The following HEATR4 variants were observed in gnomAD, a reference collection of about 807,000 sequenced individuals.
The protein encoded by HEATR4 is HEAT repeat-containing protein 4.
HEATR4 carries 95 observed loss-of-function variants against 108.8 expected under a neutral mutation model. The ratio of observed to expected loss-of-function variants is 0.87; its 90% CI spans 0.74 to 1.04. The LOEUF is 1.04. Ranked by LOEUF, HEATR4 falls within the 50% of genes least tolerant of loss-of-function variation. HEATR4 has a pLI of 0.00. For missense variants in HEATR4, 1,152 were observed against 1,253.8 expected, an observed-to-expected ratio of 0.92 and a Z score of 1.23; for synonymous variants, 443 against 459.4, an observed-to-expected ratio of 0.96 and a Z score of 0.46.
At chr14:73,604,310 G>A in the HEATR4 span, among the ~76,000 whole-genome samples, 37 of 142,550 alleles carry the variant, frequency 2.6e-4, no homozygotes, top group East Asian at 7.3e-3. Flanking sequence ...GACTACAGGC[G>A]CCTGCCACCA....
chr14:73,585,219 C>CCATAG, the HEATR4 span, among the ~76,000 whole-genome samples: 1 of 152,134 alleles, frequency 6.6e-6, no homozygotes. Context: ...CGCTCATCTG[C>CCATAG]CATAGCCCCT....
Position 73,492,434 on chromosome 14 carries a change from C to G in HEATR4, c.2844+632G>C. 6.2e-7 allele frequency: 1 copy of G among 1,613,790 alleles called. No individual in the cohort carries two copies. ...CCAGCATTCAGATTCTAAGGATCCG[C>G]GAAGAACCGCTTTCATGGAGAAGGT... is the stretch of plus-strand genomic sequence containing the variant. On this transcript the variant is annotated intron_variant, in intron 17 of 17. Transcript: ENST00000553558. The surrounding 1 kb of genome is among the most constrained non-coding windows in gnomAD (Gnocchi z 4.9).
chr14:73,576,259 A>T, the HEATR4 span, among the ~76,000 whole-genome samples: 1 of 151,998 alleles, frequency 6.6e-6, no homozygotes, highest in Admixed American at 6.6e-5. Context: ...TCCTCCTTTA[A>T]GAATGGAAGT....
At chr14:73,572,795 G>A in the HEATR4 span, among the ~76,000 whole-genome samples, 10 of 149,234 alleles carry the variant, frequency 6.7e-5, no homozygotes, top group Non-Finnish European at 1.0e-4. Flanking sequence ...ACAGGTGGCC[G>A]CCACCACACC....
At chr14:73,605,825 C>T in the HEATR4 span, among the ~76,000 whole-genome samples, 2 of 151,956 alleles carry the variant, frequency 1.3e-5, no homozygotes, top group African/African-American at 4.8e-5. Context: ...CCCACCTTGG[C>T]CTCCCAAAGT....
chr14:73,627,657 A>G, the HEATR4 span, among the ~76,000 whole-genome samples: 102 of 152,280 alleles, frequency 6.7e-4, no homozygotes, highest in Non-Finnish European at 1.9e-4. Flanking sequence ...CCATGTGTTC[A>G]GCTATCCAGA....
At chr14:73,590,807 G>A in the HEATR4 span, among the ~76,000 whole-genome samples, 1 of 151,980 alleles carries the variant, frequency 6.6e-6, no homozygotes, top group Non-Finnish European at 1.5e-5. Flanking sequence ...GTTCCCGCCC[G>A]CGCCTCTCCC....
rs1888052673 is a variant in HEATR4 at position 73,522,743 on chromosome 14, T to C, written c.410A>G (p.Lys137Arg). The change falls in exon 3 of 18, where the codon AAG (lysine) becomes AGG (arginine). Residue 137 changes from lysine to arginine, a missense_variant. Lys to Arg is a conservative substitution (Grantham distance 26). Transcript: ENST00000553558. ...TTCGGGATTGGCAGAGCTTTCTGTC[T>C]TCACAGCCAGGGAGGTGTCTCCTGT... ...PLTGDTSLAV[K>R]TESSANPEKK... The C allele has an allele frequency of 6.2e-7, 1 of 1,614,224 alleles. No individual in the cohort carries two copies. The highest frequency in any genetic ancestry group is 2.2e-5 in the East Asian group (1 of 44,886).
At chr14:73,576,657 T>C in the HEATR4 span, among the ~76,000 whole-genome samples, 1 of 150,682 alleles carries the variant, frequency 6.6e-6, no homozygotes, top group African/African-American at 2.4e-5. Flanking sequence ...TAGCCAGACA[T>C]TGGTGGTGCA....
intron 2 of HEATR4, among the ~76,000 whole-genome samples, 199 bp from the exon 3 acceptor site, chr14:73,523,423 T>C (rs1393756923): frequency 6.6e-6 from 1 of 152,246 alleles, no homozygotes; most frequent in African/African-American, 2.4e-5. Flanking sequence ...TTGGTTCTTA[T>C]ACTTGTTCCC....
At chr14:73,590,149 G>T in the HEATR4 span, among the ~76,000 whole-genome samples, 1 of 152,084 alleles carries the variant, frequency 6.6e-6, no homozygotes, top group African/African-American at 2.4e-5. Flanking sequence ...CCCTTATCTG[G>T]CCCCACCCAC....
At position 73,509,344 on chromosome 14, in the gene HEATR4, G is replaced by T. The variant is rs754213415; in HGVS notation, c.1688C>A (p.Ala563Asp). ...QYAIQSHNPL[A>D]RNIMQTALLK... Reference sequence around the variant, plus strand: ...AAGGGCAGTCTGCATGATGTTCCGGGCAAGGGGATTATGTGACTGTATGGC... The same window carrying T: ...AAGGGCAGTCTGCATGATGTTCCGGTCAAGGGGATTATGTGACTGTATGGC... The change falls in exon 8 of 18, where the codon GCC (alanine) becomes GAC (aspartate). Residue 563 changes from alanine to aspartate, a missense_variant. By Grantham distance (126) the Ala-to-Asp change is moderately radical. Coordinates refer to ENST00000553558, the MANE Select transcript of HEATR4 (RefSeq NM_001220484.1). The T allele has an allele frequency of 5.5e-5, 88 of 1,613,980 alleles. No homozygotes were observed. The highest frequency in any genetic ancestry group is 5.3e-4 in the Admixed American group (32 of 59,968).
At chr14:73,488,694 A>G (rs1885545496) in intron 17 of HEATR4, among the ~76,000 whole-genome samples, 1 of 150,822 alleles carries the variant, frequency 6.6e-6, no homozygotes, top group Admixed American at 6.6e-5. Context: ...AGTTCTTTAT[A>G]GCAATGTGAG....
chr14:73,500,186 C>T (rs1010389389), intron 12 of HEATR4, among the ~76,000 whole-genome samples: 2 of 151,848 alleles, frequency 1.3e-5, no homozygotes, highest in African/African-American at 2.4e-5. Flanking sequence ...GCCGAGATGG[C>T]GCCACTGCAC....
chr14:73,586,738 C>T, the HEATR4 span, among the ~76,000 whole-genome samples: 3 of 151,416 alleles, frequency 2.0e-5, no homozygotes, highest in South Asian at 4.2e-4. Flanking sequence ...TAGGGACAGT[C>T]TTGCTCTGAT....
chr14:73,600,573 T>C, the HEATR4 span, among the ~76,000 whole-genome samples: 1 of 151,918 alleles, frequency 6.6e-6, no homozygotes, highest in Non-Finnish European at 1.5e-5. Context: ...TGCCTCAGCC[T>C]CCCAAGTAGC....
At chr14:73,623,301 C>A in the HEATR4 span, among the ~76,000 whole-genome samples, 41 of 152,290 alleles carry the variant, frequency 2.7e-4, no homozygotes, top group African/African-American at 9.6e-4. Context: ...AAATCAGTTT[C>A]TTCCAAAGAT....
intron 17 of HEATR4, among the ~76,000 whole-genome samples, chr14:73,484,276 G>A (rs972540366): frequency 6.6e-6 from 1 of 151,862 alleles, no homozygotes; most frequent in African/African-American, 2.4e-5. Context: ...CATCTGTTAC[G>A]ACGTATAGCA....
chr14:73,521,321 AC>A (rs930872044), intron 3 of HEATR4, among the ~76,000 whole-genome samples: 2 of 151,936 alleles, frequency 1.3e-5, no homozygotes, highest in East Asian at 1.9e-4. Context: ...CTCCAGCATA[AC>A]CCTTTTTTAA....
Sources: allele counts gnomAD v4.1 joint callset (sites outside exome capture counted in the v4.1 genomes callset), GRCh38; gene constraint gnomAD v4.1.1; non-coding constraint Gnocchi (gnomAD v3.1); transcripts MANE v1.5; gene names NCBI Gene and HGNC (gene_info 2026-07-23, HGNC 2026-07-21).